ZNF487: variants seen among roughly 807,000 people sequenced by gnomAD.
ZNF487 encodes the protein zinc finger protein 487.
ZNF487 carries 4 observed loss-of-function variants against 3.0 expected under a neutral mutation model. The observed-to-expected ratio is 1.35, with a 90% CI of 0.66 to 3.08. The LOEUF (loss-of-function observed/expected upper bound fraction) is 3.08, where lower values mean the gene tolerates loss of function less well. Ranked by LOEUF, ZNF487 falls within the 30% of genes most tolerant of loss-of-function variation. ZNF487 has a pLI of 0.01. For synonymous variants in ZNF487, 55 were observed against 34.6 expected, an observed-to-expected ratio of 1.59 and a Z score of -2.06; for missense variants, 146 against 98.7, an observed-to-expected ratio of 1.48 and a Z score of -2.03.
At chr10:43,518,037 A>T in the ZNF487 span, among the ~76,000 whole-genome samples, 2 of 152,178 alleles carry the variant, frequency 1.3e-5, no homozygotes, top group African/African-American at 4.8e-5. Context: ...TGGCCAAAAA[A>T]TGATACTCTC....
chr10:43,476,016 T>G (rs945288212), intron 2 of ZNF487, 91 bp from the exon 3 acceptor site: 3 of 684,094 alleles, frequency 4.4e-6, no homozygotes, highest in Non-Finnish European at 8.1e-6. Flanking sequence ...TTTTCTGTAA[T>G]GAAATGCTCA....
At chr10:43,514,093 T>C in the ZNF487 span, among the ~76,000 whole-genome samples, 7 of 152,178 alleles carry the variant, frequency 4.6e-5, no homozygotes, top group African/African-American at 1.4e-4. Flanking sequence ...GGCTCAAGTC[T>C]GGAAATTGAT....
intron 1 of ZNF487, among the ~76,000 whole-genome samples, chr10:43,450,049 CTT>C (rs1457241172): frequency 1.3e-5 from 2 of 151,598 alleles, no homozygotes; most frequent in African/African-American, 2.4e-5. Flanking sequence ...TATTGGAAAA[CTT>C]TTTTGTTTTG....
the ZNF487 span, chr10:43,495,967 T>C: frequency 2.6e-5 from 13 of 508,900 alleles, no homozygotes; most frequent in South Asian, 1.7e-4. Context: ...AAACATTGCA[T>C]AGTGTTTGTT....
intron 1 of ZNF487, among the ~76,000 whole-genome samples, chr10:43,465,117 ATGGGG>A (rs1840631931): frequency 1.8e-5 from 2 of 111,146 alleles, no homozygotes; most frequent in East Asian, 7.7e-4. Context: ...TCCCTCCCGG[ATGGGG>A]CGGCTGGCCG....
At chr10:43,475,269 C>T (rs1841053670) in intron 1 of ZNF487, among the ~76,000 whole-genome samples, 1 of 152,084 alleles carries the variant, frequency 6.6e-6, no homozygotes, top group Admixed American at 6.6e-5. Context: ...TCTGTAATCC[C>T]AGCACTTTGG....
intron 1 of ZNF487, among the ~76,000 whole-genome samples, chr10:43,446,977 A>G (rs1325132596): frequency 6.6e-6 from 1 of 152,006 alleles, no homozygotes; most frequent in Admixed American, 6.6e-5. Context: ...AGATGACTCG[A>G]GGTCAGGAGC....
intron 1 of ZNF487, among the ~76,000 whole-genome samples, chr10:43,473,071 A>G (rs1303900528): frequency 2.0e-5 from 3 of 146,510 alleles, no homozygotes; most frequent in Non-Finnish European, 4.5e-5. Flanking sequence ...AAGGTTGATC[A>G]TCCTTTGTAT....
chr10:43,443,853 A>ATT (rs1260588015), intron 1 of ZNF487, among the ~76,000 whole-genome samples: 13 of 135,970 alleles, frequency 9.6e-5, no homozygotes, highest in Non-Finnish European at 1.1e-4. Context: ...TATTGCTTGA[A>ATT]TTTTTTTTTT....
intron 1 of ZNF487, among the ~76,000 whole-genome samples, chr10:43,457,558 G>GAAAAAAAA (rs1023956426): frequency 2.2e-5 from 3 of 136,956 alleles, no homozygotes; most frequent in South Asian, 2.3e-4. Flanking sequence ...CTGTCTTGGG[G>GAAAAAAAA]AAAAAAAAAA....
chr10:43,453,868 C>G (rs1354555840), intron 1 of ZNF487: 2 of 152,080 alleles, frequency 1.3e-5, no homozygotes. Context: ...TCGTGCATAT[C>G]AGAACTGTAC....
At chr10:43,511,153 C>T in the ZNF487 span, among the ~76,000 whole-genome samples, 11 of 152,310 alleles carry the variant, frequency 7.2e-5, no homozygotes, top group Admixed American at 5.2e-4. Flanking sequence ...AGAGCATACA[C>T]AGCCTTCTGG....
intron 1 of ZNF487, among the ~76,000 whole-genome samples, chr10:43,470,193 C>G (rs1294499501): frequency 6.6e-6 from 1 of 152,068 alleles, no homozygotes; most frequent in East Asian, 1.9e-4. Context: ...GGACACCACA[C>G]TCTTTTAACT....
At position 43,476,158 on chromosome 10, in the gene ZNF487, T is replaced by A. The variant is rs1188169277; in HGVS notation, c.86T>A (p.Val29Glu). Residue 29 changes from valine to glutamate, a missense_variant, in exon 3 of 4, where the codon GTG (valine) becomes GAG (glutamate). Transcript: ENST00000437590. ...EVVCKLEHGQ[V>E]LWILEEESPS... is the part of the protein sequence containing the mutation. ...GTTTGCAAGTTGGAGCATGGACAGG[T>A]GCTGTGGATATTAGAGGAAGAGTCC... The A allele has an allele frequency of 9.8e-6, 7 of 717,478 alleles. No homozygotes were observed. In the South Asian group the frequency reaches 1.0e-4, roughly 11 times the overall value. The allele number at this position is 717,478 out of a possible 1,614,324, so 44.4% of individuals were successfully genotyped here. A position where few individuals can be genotyped will look rare whatever the true frequency, so the allele number is the denominator to read the frequency against.
chr10:43,492,325 A>G, the ZNF487 span, among the ~76,000 whole-genome samples: 1 of 151,840 alleles, frequency 6.6e-6, no homozygotes, highest in East Asian at 1.9e-4. Flanking sequence ...ATCTATTGCA[A>G]ATCATCATCT....
At chr10:43,502,083 T>G in the ZNF487 span, among the ~76,000 whole-genome samples, 1 of 152,272 alleles carries the variant, frequency 6.6e-6, no homozygotes, top group East Asian at 1.9e-4. Flanking sequence ...CACATGCACA[T>G]GTATGTTTAT....
chr10:43,501,818 C>T, the ZNF487 span, among the ~76,000 whole-genome samples: 6,813 of 150,880 alleles, frequency 0.045, 225 homozygotes, highest in South Asian at 0.12. Flanking sequence ...CAGGGTCTTG[C>T]TCTGCCACTC....
chr10:43,479,965 TCTTTCTTTTCTTTCTTTCC>T (rs1841254966), intron 3 of ZNF487, among the ~76,000 whole-genome samples: 1 of 44,154 alleles, frequency 2.3e-5, no homozygotes, highest in African/African-American at 5.3e-5. Context: ...TCTCTTTCTT[TCTTTCTTTTCTTTCTTTCC>T]TTCTTTCTTT....
chr10:43,515,032 A>C, the ZNF487 span, among the ~76,000 whole-genome samples: 70,064 of 152,042 alleles, frequency 0.46, 18,623 homozygotes, highest in East Asian at 0.73. Flanking sequence ...CAAATAAACT[A>C]TTAGAACCTT....
Sources: gnomAD v4.1 joint callset for allele counts (sites outside exome capture counted in the v4.1 genomes callset) on GRCh38, gnomAD v4.1.1 for gene constraint, MANE v1.5 for transcripts, NCBI Gene and HGNC (gene_info 2026-07-23, HGNC 2026-07-21) for gene names.